The following CEP128 variants were observed in gnomAD, a reference collection of about 807,000 sequenced individuals.
CEP128 encodes the protein centrosomal protein 128kDa.
A neutral mutation model predicts 156.7 loss-of-function variants in CEP128; 132 were observed. The observed-to-expected ratio is 0.84, with a 90% CI of 0.73 to 0.97. The LOEUF is 0.97. CEP128 is among the 50% of genes least tolerant of loss of function. The pLI is 0.00. For synonymous variants in CEP128, 469 were observed against 448.9 expected (o/e 1.04, Z -0.57); for missense variants, 1,252 against 1,281.9 (o/e 0.98, Z 0.36).
intron 8 of CEP128, among the ~76,000 whole-genome samples, chr14:80,868,769 A>T (rs759577883): frequency 3.9e-5 from 6 of 152,226 alleles, no homozygotes; most frequent in Non-Finnish European, 7.4e-5. Context: ...AATAGACTTT[A>T]GAGATACAAA....
At chr14:80,619,792 A>G (rs1194553872) in intron 19 of CEP128, among the ~76,000 whole-genome samples, 1 of 152,172 alleles carries the variant, frequency 6.6e-6, no homozygotes, top group Non-Finnish European at 1.5e-5. Flanking sequence ...TTGCTACAAA[A>G]TTTCAATAGG....
intron 19 of CEP128, among the ~76,000 whole-genome samples, chr14:80,652,925 A>T (rs143122087): frequency 6.6e-6 from 1 of 152,318 alleles, no homozygotes; most frequent in African/African-American, 2.4e-5. Flanking sequence ...AACAGCAAAG[A>T]CTTGGAACCA....
At chr14:80,799,735 T>C (rs1883723737) in intron 13 of CEP128, among the ~76,000 whole-genome samples, 1 of 152,204 alleles carries the variant, frequency 6.6e-6, no homozygotes, top group Non-Finnish European at 1.5e-5. Flanking sequence ...TCTCCTGCAG[T>C]ACCCTCAGGC....
chr14:80,650,028 T>C (rs1211898079), intron 19 of CEP128, among the ~76,000 whole-genome samples: 1 of 152,186 alleles, frequency 6.6e-6, no homozygotes, highest in Non-Finnish European at 1.5e-5. Context: ...TTTCATGATA[T>C]TGATTCTTCC....
At chr14:80,891,024 T>C (rs1209202562) in intron 8 of CEP128, among the ~76,000 whole-genome samples, 1 of 151,968 alleles carries the variant, frequency 6.6e-6, no homozygotes, top group African/African-American at 2.4e-5. Flanking sequence ...TTAAAATAGC[T>C]TTTATCCAAA....
At chr14:80,908,905 T>C (rs1255510447) in intron 4 of CEP128, among the ~76,000 whole-genome samples, 3 of 152,180 alleles carry the variant, frequency 2.0e-5, no homozygotes, top group Non-Finnish European at 2.9e-5. Context: ...CTATTTTCAG[T>C]TTATCACTTC....
chr14:80,872,780 A>G (rs568861099), intron 8 of CEP128, among the ~76,000 whole-genome samples: 51 of 152,306 alleles, frequency 3.3e-4, no homozygotes, highest in Non-Finnish European at 6.9e-4. Context: ...ATACAACACA[A>G]TACATCGACC....
intron 20 of CEP128, among the ~76,000 whole-genome samples, chr14:80,566,487 C>G (rs1331303424): frequency 6.6e-6 from 1 of 152,062 alleles, no homozygotes; most frequent in African/African-American, 2.4e-5. Flanking sequence ...GTCAGCATTT[C>G]TTACAGTGAT....
intron 21 of CEP128, among the ~76,000 whole-genome samples, chr14:80,543,841 C>T (rs1475999821): frequency 6.6e-6 from 1 of 152,194 alleles, no homozygotes; most frequent in Non-Finnish European, 1.5e-5. Flanking sequence ...CCCTCCCCTA[C>T]TTCATTTTAC....
chr14:80,957,441 G>A (rs1405294121), intron 2 of CEP128, among the ~76,000 whole-genome samples: 1 of 148,050 alleles, frequency 6.8e-6, no homozygotes, highest in Non-Finnish European at 1.5e-5. Flanking sequence ...TGAAACCCTG[G>A]AACTACTTAG....
At chr14:80,697,350 A>T (rs2139341423) in intron 19 of CEP128, among the ~76,000 whole-genome samples, 1 of 152,154 alleles carries the variant, frequency 6.6e-6, no homozygotes, top group South Asian at 2.1e-4. Flanking sequence ...CAGGTAATGG[A>T]TTTTCTATTT....
At position 80,769,423 on chromosome 14, in the gene CEP128, C is replaced by T. The variant is rs557661367; in HGVS notation, c.2377-7810G>A. ...AGGTATATCTCCTAATGCTATCCCTCCCCACTCCCCCCGCCCCACGACAGG... is the reference window on the plus strand; with the variant it reads ...AGGTATATCTCCTAATGCTATCCCTTCCCACTCCCCCCGCCCCACGACAGG... On this transcript the variant is annotated intron_variant, in intron 16 of 24. Coordinates refer to ENST00000555265, the MANE Select transcript of CEP128 (RefSeq NM_152446.5). Among the ~76,000 whole-genome samples the T allele has an allele frequency of 1.2e-4, 19 of 152,088 alleles. No individual in the cohort carries two copies. In the South Asian group the frequency reaches 3.7e-3, roughly 30 times the overall value.
chr14:80,907,856 T>C (rs1883980405), intron 4 of CEP128, among the ~76,000 whole-genome samples: 1 of 152,056 alleles, frequency 6.6e-6, no homozygotes, highest in African/African-American at 2.4e-5. Context: ...TAAACAATAT[T>C]AAAGCTAAAA....
chr14:80,734,050 T>G (rs1898406466), intron 19 of CEP128, among the ~76,000 whole-genome samples: 1 of 152,180 alleles, frequency 6.6e-6, no homozygotes, highest in Admixed American at 6.5e-5. Flanking sequence ...TCTGCTGGAA[T>G]GGCTATGCTC....
At chr14:80,702,667 G>T (rs1176846613) in intron 19 of CEP128, among the ~76,000 whole-genome samples, 1 of 152,150 alleles carries the variant, frequency 6.6e-6, no homozygotes, top group Non-Finnish European at 1.5e-5. Context: ...GGTTGAGAAA[G>T]TTACCCAAGT....
At chr14:80,520,015 A>G (rs1435785238) in intron 23 of CEP128, among the ~76,000 whole-genome samples, 1 of 152,180 alleles carries the variant, frequency 6.6e-6, no homozygotes, top group Non-Finnish European at 1.5e-5. Context: ...CAGCACTAAC[A>G]TTTTATGATT....
At chr14:80,638,166 C>T (rs1310706266) in intron 19 of CEP128, among the ~76,000 whole-genome samples, 2 of 152,186 alleles carry the variant, frequency 1.3e-5, no homozygotes, top group East Asian at 1.9e-4. Context: ...CTTCTTCCTT[C>T]TCTTCATATT....
intron 19 of CEP128, among the ~76,000 whole-genome samples, chr14:80,604,545 T>C (rs1004661546): frequency 5.3e-5 from 8 of 152,148 alleles, no homozygotes; most frequent in African/African-American, 1.9e-4. Flanking sequence ...ATGTCCTTCC[T>C]GACCTTCACT....
intron 19 of CEP128, among the ~76,000 whole-genome samples, chr14:80,604,159 CCA>C (rs1892689294): frequency 6.6e-6 from 1 of 152,134 alleles, no homozygotes. Context: ...CTTACAGTGC[CCA>C]GAGTCATGAA....
Sources: allele counts gnomAD v4.1 joint callset (sites outside exome capture counted in the v4.1 genomes callset), GRCh38; gene constraint gnomAD v4.1.1; transcripts MANE v1.5; gene names NCBI Gene and HGNC (gene_info 2026-07-23, HGNC 2026-07-21).